The following SH3GL2 variants were observed in gnomAD, a reference collection of about 807,000 sequenced individuals.
The protein encoded by SH3GL2 is endophilin-A1.
Under a neutral mutation model 46.0 loss-of-function variants are expected in SH3GL2, and 24 were observed. The observed-to-expected ratio is 0.52, with a 90% confidence interval of 0.38 to 0.73. SH3GL2 has a LOEUF of 0.73. SH3GL2 is among the 30% of genes least tolerant of loss of function. The pLI is 0.00. For missense variants in SH3GL2, 413 were observed against 424.2 expected (o/e 0.97, Z 0.23); for synonymous variants, 196 against 147.1 (o/e 1.33, Z -2.40).
chr9:17,664,498 C>A (rs1820296290), intron 1 of SH3GL2, among the ~76,000 whole-genome samples: 1 of 151,984 alleles, frequency 6.6e-6, no homozygotes, highest in Non-Finnish European at 1.5e-5. Context: ...ATCTTGAGCT[C>A]ACATGGTTGT....
chr9:17,742,434 G>T (rs1822553097), intron 1 of SH3GL2, among the ~76,000 whole-genome samples: 1 of 152,122 alleles, frequency 6.6e-6, no homozygotes, highest in South Asian at 2.1e-4. Context: ...TATAGCATAA[G>T]ACATCCACTA....
chr9:17,782,068 T>C (rs1351788202), intron 3 of SH3GL2, among the ~76,000 whole-genome samples: 1 of 152,178 alleles, frequency 6.6e-6, no homozygotes, highest in Admixed American at 6.5e-5. Context: ...ATATTTCTTT[T>C]GCTCACTTTA....
chr9:17,786,601 G>A (rs948805718), intron 4 of SH3GL2, 77 bp downstream of exon 4: 2 of 1,447,574 alleles, frequency 1.4e-6, no homozygotes, highest in African/African-American at 1.4e-5. Flanking sequence ...ATTCTGTAGG[G>A]AATCGGTCAA....
Position 17,780,374 on chromosome 9 carries a change from A to C in SH3GL2, c.188-6007A>C, listed in dbSNP as rs144539232. 2.1e-4 allele frequency among the ~76,000 whole-genome samples: 32 copies of C among 151,854 alleles called. No homozygotes were observed. The East Asian group carries it at 4.8e-3, about 23-fold the overall frequency. On this transcript the variant is annotated intron_variant, in intron 3 of 8. Transcript: ENST00000380607. ...TCTTTCATTCTCATTGCTCTGTAGA[A>C]TTCCCTTGTGAGAACATAGCACAGT...
intron 1 of SH3GL2, among the ~76,000 whole-genome samples, chr9:17,628,021 A>C (rs1167676559): frequency 1.3e-5 from 2 of 152,208 alleles, no homozygotes; most frequent in African/African-American, 2.4e-5. Flanking sequence ...TAAGAGCTCT[A>C]AGTTCTTTTG....
chr9:17,598,399 T>C (rs1818612586), intron 1 of SH3GL2, among the ~76,000 whole-genome samples: 1 of 152,228 alleles, frequency 6.6e-6, no homozygotes, highest in Admixed American at 6.5e-5. Context: ...TTTACATCAT[T>C]ATCTTTCTTA....
intron 1 of SH3GL2, among the ~76,000 whole-genome samples, chr9:17,683,525 C>T (rs1032546625): frequency 1.3e-5 from 2 of 151,988 alleles, no homozygotes; most frequent in Non-Finnish European, 2.9e-5. Context: ...GAAATATTAT[C>T]CACTGGGACT....
chr9:17,748,590 C>G (rs970343662), intron 2 of SH3GL2, among the ~76,000 whole-genome samples: 7 of 151,928 alleles, frequency 4.6e-5, no homozygotes, highest in African/African-American at 1.5e-4. Flanking sequence ...TAGGTACTTT[C>G]TACCTTGTCT....
intron 1 of SH3GL2, among the ~76,000 whole-genome samples, chr9:17,704,146 A>G (rs565526009): frequency 3.3e-5 from 5 of 150,968 alleles, no homozygotes; most frequent in African/African-American, 1.2e-4. Context: ...GTACACCAAC[A>G]TCATCCAAGC....
chr9:17,713,798 A>G (rs1470945956), intron 1 of SH3GL2, among the ~76,000 whole-genome samples: 3 of 151,732 alleles, frequency 2.0e-5, no homozygotes, highest in East Asian at 1.9e-4. Context: ...TATGGTCAAG[A>G]ATATTGCCTG....
intron 1 of SH3GL2, among the ~76,000 whole-genome samples, chr9:17,693,843 T>G (rs1028154709): frequency 3.9e-5 from 6 of 152,204 alleles, no homozygotes; most frequent in Non-Finnish European, 2.9e-5. Context: ...ACATTTGTAA[T>G]CGTGGTAACC....
At chr9:17,747,731 G>C (rs1196580396) in intron 2 of SH3GL2, among the ~76,000 whole-genome samples, 1 of 152,068 alleles carries the variant, frequency 6.6e-6, no homozygotes, top group Non-Finnish European at 1.5e-5. Context: ...CTGGAGTGCA[G>C]TGGCATGATC....
chr9:17,602,349 C>G (rs1415156620), intron 1 of SH3GL2, among the ~76,000 whole-genome samples: 3 of 152,170 alleles, frequency 2.0e-5, no homozygotes, highest in Non-Finnish European at 2.9e-5. Context: ...TCCATGAAAA[C>G]CCAGTCAGTT....
At position 17,579,729 on chromosome 9, in the gene SH3GL2, G is replaced by A. The variant is rs369495323; in HGVS notation, c.45+442G>A. ...GTTGGCATGAGCGGTGGCCGCACTGGGGGTGGCGGGGCGGAGGCCGGCGGT... is the reference window on the plus strand; with the variant it reads ...GTTGGCATGAGCGGTGGCCGCACTGAGGGTGGCGGGGCGGAGGCCGGCGGT... On this transcript the variant is annotated intron_variant, in intron 1 of 8. Transcript: ENST00000380607. Among the ~76,000 whole-genome samples the A allele has an allele frequency of 4.8e-4, 73 of 152,278 alleles. 1 individual carries two copies. In the East Asian group the frequency reaches 0.011, roughly 22 times the overall value.
rs556997283 is a variant in SH3GL2, at chr9:17,728,580, G to A, written c.46-18486G>A. On this transcript the variant is annotated intron_variant, in intron 1 of 8. Coordinates refer to ENST00000380607, the MANE Select transcript of SH3GL2 (RefSeq NM_003026.5). ...CCATGGTGGTCTGCTGCACCCATCAGCCTGTCATCTACATTAGGTATTTCT... is the reference window on the plus strand; with the variant it reads ...CCATGGTGGTCTGCTGCACCCATCAACCTGTCATCTACATTAGGTATTTCT... Among the ~76,000 whole-genome samples the A allele has an allele frequency of 2.6e-5, 4 of 152,116 alleles. No individual in the cohort carries two copies. The East Asian group carries it at 7.8e-4, about 30-fold the overall frequency.
At chr9:17,712,362 A>C (rs934864289) in intron 1 of SH3GL2, among the ~76,000 whole-genome samples, 3 of 151,660 alleles carry the variant, frequency 2.0e-5, no homozygotes, top group South Asian at 4.1e-4. Context: ...AATCTTGGAG[A>C]CATCTCTAAA....
At chr9:17,606,994 T>C (rs940536519) in intron 1 of SH3GL2, among the ~76,000 whole-genome samples, 1 of 152,234 alleles carries the variant, frequency 6.6e-6, no homozygotes, top group Admixed American at 6.5e-5. Context: ...GCATGTTTAC[T>C]AGCTGAAGCC....
chr9:17,674,610 A>G (rs966004325), intron 1 of SH3GL2, among the ~76,000 whole-genome samples: 3 of 152,114 alleles, frequency 2.0e-5, no homozygotes, highest in Non-Finnish European at 2.9e-5. Context: ...TCATGGGCTC[A>G]TGATTGAGTT....
chr9:17,627,041 G>C (rs925792471), intron 1 of SH3GL2, among the ~76,000 whole-genome samples: 1 of 152,076 alleles, frequency 6.6e-6, no homozygotes. Context: ...TCATGTAATT[G>C]TCACAACTAC....
Sources: allele counts gnomAD v4.1 joint callset (sites outside exome capture counted in the v4.1 genomes callset), GRCh38; gene constraint gnomAD v4.1.1; transcripts MANE v1.5; gene names NCBI Gene and HGNC (gene_info 2026-07-23, HGNC 2026-07-21).